VWA8: variants seen among roughly 807,000 people sequenced by gnomAD.
The protein encoded by VWA8 is von Willebrand factor A domain-containing protein 8.
A neutral mutation model predicts 241.5 loss-of-function variants in VWA8; 221 were observed. The ratio of observed to expected loss-of-function variants is 0.91; its 90% CI spans 0.82 to 1.02. The LOEUF (loss-of-function observed/expected upper bound fraction) is 1.02, where lower values mean the gene tolerates loss of function less well. VWA8 is among the 50% of genes least tolerant of loss of function. The probability of loss-of-function intolerance (pLI) is 0.00; values close to 1 mark genes in which losing one functional copy is unlikely to be tolerated. For missense variants in VWA8, 2,322 were observed against 2,328.7 expected (o/e 1.00, Z 0.06); for synonymous variants, 852 against 827.1 (o/e 1.03, Z -0.52).
intron 12 of VWA8, among the ~76,000 whole-genome samples, chr13:41,845,173 T>C (rs1185976278): frequency 6.6e-6 from 1 of 152,038 alleles, no homozygotes; most frequent in African/African-American, 2.4e-5. Flanking sequence ...GACATACAAG[T>C]GGCCAAAAAA....
In VWA8 at chr13:41,699,203, A is replaced by G. The variant is rs765051066; in HGVS notation, c.3432T>C (p.Thr1144=). 1.2e-6 allele frequency: 2 copies of G among 1,614,194 alleles called. No individual in the cohort carries two copies. The highest frequency in any genetic ancestry group is 1.1e-5 in the South Asian group (1 of 91,082). Reference sequence around the variant, plus strand: ...AGTCCACAAAGAAGCCACTTTTCCCAGTCATATTCATAAAGTACAGGGAAG... The same window carrying G: ...AGTCCACAAAGAAGCCACTTTTCCCGGTCATATTCATAAAGTACAGGGAAG... The part of the protein sequence containing the change: ...NPASLYFMNM[T]GKSGFFVDFF... The change falls in exon 29 of 45, where the codon ACT becomes ACC. Residue 1144 remains threonine (T), a synonymous_variant. Coordinates refer to ENST00000379310, the MANE Select transcript of VWA8 (RefSeq NM_015058.2).
intron 2 of VWA8, among the ~76,000 whole-genome samples, chr13:41,931,269 G>T (rs1239907280): frequency 1.0e-5 from 1 of 97,358 alleles, no homozygotes; most frequent in African/African-American, 3.8e-5. Context: ...AAATAAACCA[G>T]ACCCAGGGTT....
At chr13:41,689,570 C>A in intron 33 of VWA8, 62 bp from the exon 34 acceptor site, 2 of 1,414,662 alleles carry the variant, frequency 1.4e-6, no homozygotes, top group South Asian at 3.5e-5. Flanking sequence ...TAATTTTTTG[C>A]AAGATTTTAT....
intron 37 of VWA8, among the ~76,000 whole-genome samples, chr13:41,643,483 G>A (rs1477982665): frequency 6.6e-6 from 1 of 152,206 alleles, no homozygotes; most frequent in African/African-American, 2.4e-5. Context: ...AATAATGAAT[G>A]AGAACTGAAG....
At chr13:41,602,235 C>T (rs2044526193) in intron 40 of VWA8, among the ~76,000 whole-genome samples, 1 of 151,976 alleles carries the variant, frequency 6.6e-6, no homozygotes, top group African/African-American at 2.4e-5. Flanking sequence ...TTGAAAAATG[C>T]TGTGTTGGCA....
At chr13:41,950,567 A>G (rs1351889391) in intron 1 of VWA8, among the ~76,000 whole-genome samples, 1 of 150,334 alleles carries the variant, frequency 6.7e-6, no homozygotes, top group Non-Finnish European at 1.5e-5. Flanking sequence ...ACGGGGTTTC[A>G]CCATGTTAGC....
rs571560944 is a variant in VWA8 at position 41,618,099 on chromosome 13, G to A, written c.4612-3015C>T. On this transcript the variant is annotated intron_variant, in intron 37 of 44. Transcript: ENST00000379310. Reference sequence around the variant, plus strand: ...ACTAGTTTACAGTCCCACCAACAGTGTAAAAGCGTTCCTATTTCTCCACAT... The same window carrying A: ...ACTAGTTTACAGTCCCACCAACAGTATAAAAGCGTTCCTATTTCTCCACAT... Among the ~76,000 whole-genome samples, 219 of 152,308 alleles carry A rather than the reference G, an allele frequency of 1.4e-3. 2 individuals are homozygous for A. Among genetic ancestry groups the A allele is most frequent in the Non-Finnish European group, 2.2e-4 (15 of 68,032 alleles).
rs779229848 is a variant in VWA8, at chr13:41,721,522, C to T, written c.2812G>A (p.Glu938Lys). 32 of 1,613,618 alleles carry T rather than the reference C, an allele frequency of 2.0e-5. No homozygotes were observed. Among genetic ancestry groups the T allele is most frequent in the South Asian group, 1.5e-4 (14 of 91,064 alleles). ...TTTGGTCCATACTGTCTGAGCATCTCGAGCTCCGAGTGGGGTTTGGGGTTA... is the reference window on the plus strand; with the variant it reads ...TTTGGTCCATACTGTCTGAGCATCTTGAGCTCCGAGTGGGGTTTGGGGTTA... ...VDNPKPHSEL[E>K]MLRQYGPNVP... is the part of the protein sequence containing the mutation. The change falls in exon 25 of 45, where the codon GAG (glutamate) becomes AAG (lysine). Residue 938 changes from glutamate to lysine, a missense_variant. Physicochemically the swap from Glu to Lys is moderately conservative, Grantham distance 56. Transcript: ENST00000379310.
intron 4 of VWA8, among the ~76,000 whole-genome samples, chr13:41,893,610 G>A (rs1874955980): frequency 6.6e-6 from 1 of 152,172 alleles, no homozygotes; most frequent in African/African-American, 2.4e-5. Flanking sequence ...TATTGGCCGG[G>A]CTCAGTGGCT....
At chr13:41,718,166 T>C (rs2137844712) in intron 26 of VWA8, among the ~76,000 whole-genome samples, 1 of 152,116 alleles carries the variant, frequency 6.6e-6, no homozygotes, top group African/African-American at 2.4e-5. Context: ...GAGCTTAGTT[T>C]CCATAAAGCC....
At chr13:41,769,826 C>T (rs1407200130) in intron 20 of VWA8, among the ~76,000 whole-genome samples, 2 of 152,130 alleles carry the variant, frequency 1.3e-5, no homozygotes, top group African/African-American at 4.8e-5. Context: ...TATAAAAGTA[C>T]ATTGAAAATT....
intron 9 of VWA8, among the ~76,000 whole-genome samples, chr13:41,879,074 A>C (rs1874042159): frequency 6.6e-6 from 1 of 152,136 alleles, no homozygotes; most frequent in Non-Finnish European, 1.5e-5. Flanking sequence ...AGGGGCATTA[A>C]AGTTCATCTG....
chr13:41,612,343 G>C (rs1307912246), intron 38 of VWA8, among the ~76,000 whole-genome samples: 2 of 152,054 alleles, frequency 1.3e-5, no homozygotes, highest in Admixed American at 1.3e-4. Context: ...TTTGACTTCT[G>C]GTTTGAACAA....
intron 26 of VWA8, among the ~76,000 whole-genome samples, chr13:41,704,749 G>A (rs1404150648): frequency 6.6e-6 from 1 of 152,158 alleles, no homozygotes; most frequent in African/African-American, 2.4e-5. Flanking sequence ...GATTACAAGT[G>A]TAAGCCAAGT....
chr13:41,679,931 C>T (rs2045086746), intron 35 of VWA8, among the ~76,000 whole-genome samples: 1 of 144,102 alleles, frequency 6.9e-6, no homozygotes, highest in Non-Finnish European at 1.5e-5. Flanking sequence ...TCACCTTCAT[C>T]ATTATGGTGC....
At chr13:41,843,968 C>T (rs1872173454) in intron 12 of VWA8, among the ~76,000 whole-genome samples, 1 of 152,102 alleles carries the variant, frequency 6.6e-6, no homozygotes, top group Non-Finnish European at 1.5e-5. Context: ...GGAATAAGGA[C>T]TCCTCTCTAA....
chr13:41,761,636 T>C (rs976854546), intron 20 of VWA8, among the ~76,000 whole-genome samples: 3 of 152,094 alleles, frequency 2.0e-5, no homozygotes, highest in Admixed American at 2.0e-4. Flanking sequence ...AAGGTAAATA[T>C]AATACTGTAT....
At chr13:41,648,177 A>G (rs2044844503) in intron 37 of VWA8, among the ~76,000 whole-genome samples, 1 of 152,180 alleles carries the variant, frequency 6.6e-6, no homozygotes, top group Admixed American at 6.5e-5. Flanking sequence ...AAAGTGTCTC[A>G]CACTTCCTGA....
At chr13:41,929,093 T>C (rs1876987013) in intron 2 of VWA8, among the ~76,000 whole-genome samples, 1 of 150,622 alleles carries the variant, frequency 6.6e-6, no homozygotes, top group African/African-American at 2.4e-5. Flanking sequence ...AGATCTCAAA[T>C]AGCCAACATT....
Sources: allele counts gnomAD v4.1 joint callset (sites outside exome capture counted in the v4.1 genomes callset), GRCh38; gene constraint gnomAD v4.1.1; transcripts MANE v1.5; gene names NCBI Gene and HGNC (gene_info 2026-07-23, HGNC 2026-07-21).